Variants in TMEM51 observed in about 807,000 individuals in gnomAD.
The protein encoded by TMEM51 is chromosome 1 open reading frame 72.
In TMEM51, 8 loss-of-function variants were observed where a neutral mutation model predicts 13.6. That is an observed-to-expected ratio of 0.59 (90% CI 0.35 to 1.07). The LOEUF (loss-of-function observed/expected upper bound fraction) is 1.07. Ranked by LOEUF, TMEM51 falls within the 50% of genes least tolerant of loss-of-function variation. The pLI is 0.02. For missense variants in TMEM51, 279 were observed against 330.7 expected, an observed-to-expected ratio of 0.84 and a Z score of 1.21; for synonymous variants, 147 against 144.4, an observed-to-expected ratio of 1.02 and a Z score of -0.13.
At chr1:15,213,043 C>T (rs957979250) in intron 2 of TMEM51, among the ~76,000 whole-genome samples, 1 of 152,226 alleles carries the variant, frequency 6.6e-6, no homozygotes, top group African/African-American at 2.4e-5. Flanking sequence ...TTCTGTATGT[C>T]CCACAGCCCT....
chr1:15,196,092 G>A (rs920232699), intron 1 of TMEM51, among the ~76,000 whole-genome samples: 2 of 152,042 alleles, frequency 1.3e-5, no homozygotes, highest in South Asian at 2.1e-4. Flanking sequence ...ACAATTGCAT[G>A]GCACTGCATG....
At chr1:15,159,013 G>A (rs1245273075) in intron 1 of TMEM51, among the ~76,000 whole-genome samples, 1 of 152,282 alleles carries the variant, frequency 6.6e-6, no homozygotes, top group Non-Finnish European at 1.5e-5. Flanking sequence ...AGAACCTTGC[G>A]CAATGTAGCT....
intron 1 of TMEM51, among the ~76,000 whole-genome samples, chr1:15,186,476 G>A (rs1471148228): frequency 1.3e-5 from 2 of 152,146 alleles, no homozygotes; most frequent in East Asian, 3.9e-4. Context: ...GAGAGCGGGG[G>A]GTCATGGATG....
chr1:15,208,133 G>A (rs951940939), intron 1 of TMEM51, among the ~76,000 whole-genome samples: 1 of 152,184 alleles, frequency 6.6e-6, no homozygotes, highest in African/African-American at 2.4e-5. Context: ...AGGGAGACAG[G>A]GAGCCAACAA....
At chr1:15,193,703 C>T (rs1472187301) in intron 1 of TMEM51, among the ~76,000 whole-genome samples, 1 of 150,992 alleles carries the variant, frequency 6.6e-6, no homozygotes, top group African/African-American at 2.4e-5. Context: ...CAGGTGCGTG[C>T]CACCACGCCC....
intron 1 of TMEM51, among the ~76,000 whole-genome samples, chr1:15,196,046 G>A (rs1329785046): frequency 6.6e-6 from 1 of 152,150 alleles, no homozygotes; most frequent in Non-Finnish European, 1.5e-5. Flanking sequence ...TTATTCCTGC[G>A]ACTTTGCTGT....
chr1:15,215,465 C>T (rs768792768), intron 3 of TMEM51, 34 bp downstream of exon 3: 29 of 1,546,992 alleles, frequency 1.9e-5, no homozygotes, highest in Admixed American at 1.1e-4. Context: ...CTCCCCGGAT[C>T]GGGGATGGGC....
At chr1:15,211,765 C>T (rs142858234) in intron 2 of TMEM51, among the ~76,000 whole-genome samples, 54 of 148,522 alleles carry the variant, frequency 3.6e-4, no homozygotes, top group African/African-American at 1.3e-3. Context: ...GTAAAGGGTA[C>T]ACTTTCCGAG....
intron 1 of TMEM51, among the ~76,000 whole-genome samples, chr1:15,178,538 G>A (rs528580749): frequency 5.9e-5 from 9 of 152,102 alleles, no homozygotes; most frequent in African/African-American, 1.9e-4. Context: ...TTCAGATAAC[G>A]GCCGGGTCTC....
chr1:15,182,654 G>A (rs909752704), intron 1 of TMEM51, among the ~76,000 whole-genome samples: 8 of 152,222 alleles, frequency 5.3e-5, no homozygotes, highest in African/African-American at 1.9e-4. Flanking sequence ...AAGAGGACAG[G>A]CAAGAAGGGC....
chr1:15,152,709 C>T (rs985869277), upstream of TMEM51: 10 of 152,302 alleles, frequency 6.6e-5, no homozygotes, highest in African/African-American at 2.4e-4. Context: ...TGGCTGAAAC[C>T]AGCCCACCCT....
At chr1:15,181,135 C>T (rs1478474320) in intron 1 of TMEM51, among the ~76,000 whole-genome samples, 1 of 152,180 alleles carries the variant, frequency 6.6e-6, no homozygotes, top group East Asian at 1.9e-4. Context: ...ATGCCTCAAG[C>T]CTCAGTTTCT....
At chr1:15,193,594 T>C (rs1643983114) in intron 1 of TMEM51, among the ~76,000 whole-genome samples, 1 of 116,864 alleles carries the variant, frequency 8.6e-6, no homozygotes, top group South Asian at 2.9e-4. Flanking sequence ...TTTTTTTTTT[T>C]TGAGACAGGG....
chr1:15,164,126 G>A (rs1440471707), intron 1 of TMEM51, among the ~76,000 whole-genome samples: 9 of 151,868 alleles, frequency 5.9e-5, no homozygotes, highest in Admixed American at 2.6e-4. Context: ...CACCATGCCC[G>A]GCCTAATGTT....
In TMEM51 at chr1:15,214,917, C is replaced by A; in HGVS notation, c.-171C>A. ...CAGGCCCTTCCACCGCAGCCATCCG[C>A]ACGGGAGGCCTCGCGATTGCTCGGA... On this transcript the variant is annotated 5_prime_UTR_variant, in exon 3 of 4. Coordinates refer to ENST00000376008, the MANE Select transcript of TMEM51 (RefSeq NM_001136218.2). 1 of 649,258 alleles carries A rather than the reference C, an allele frequency of 1.5e-6. No individual in the cohort carries two copies. 40.2% of individuals were successfully genotyped at this position (649,258 alleles called of 1,614,324 possible).
intron 1 of TMEM51, among the ~76,000 whole-genome samples, chr1:15,194,987 C>T (rs1433977794): frequency 4.2e-5 from 6 of 142,558 alleles, no homozygotes; most frequent in South Asian, 2.2e-4. Flanking sequence ...TGCAATGGCG[C>T]GATCTCATCT....
intron 1 of TMEM51, among the ~76,000 whole-genome samples, chr1:15,173,345 G>A (rs754849291): frequency 4.7e-5 from 7 of 150,048 alleles, no homozygotes; most frequent in Admixed American, 6.7e-5. Context: ...TCAGCCTTCC[G>A]AGTAGCTGGG....
chr1:15,209,189 A>G lies in TMEM51; in HGVS notation c.-266-1301A>G, dbSNP rs370244833. Among the ~76,000 whole-genome samples the G allele has an allele frequency of 8.6e-4, 129 of 150,810 alleles. 2 individuals are homozygous for G. In the South Asian group the frequency reaches 0.015, roughly 18 times the overall value. On this transcript the variant is annotated intron_variant, in intron 1 of 3. Coordinates refer to ENST00000376008, the MANE Select transcript of TMEM51 (RefSeq NM_001136218.2). ...GGCTCAAGCAGATCCTCCCACCTCA[A>G]CCTCCCAAGTAGCTGGGACTACAGG...
At chr1:15,182,494 G>T (rs181975236) in intron 1 of TMEM51, among the ~76,000 whole-genome samples, 1 of 152,246 alleles carries the variant, frequency 6.6e-6, no homozygotes, top group African/African-American at 2.4e-5. Flanking sequence ...TGGGTCTCTC[G>T]CCAACTGGCA....
Sources: gnomAD v4.1 joint callset for allele counts (sites outside exome capture counted in the v4.1 genomes callset) on GRCh38, gnomAD v4.1.1 for gene constraint, MANE v1.5 for transcripts, NCBI Gene and HGNC (gene_info 2026-07-23, HGNC 2026-07-21) for gene names.